The following SYNDIG1 variants were observed in gnomAD, a reference collection of about 807,000 sequenced individuals.
SYNDIG1 encodes synapse differentiation-inducing gene protein 1.
In SYNDIG1, 9 loss-of-function variants were observed where a neutral mutation model predicts 19.4. The observed-to-expected ratio is 0.46, with a 90% CI of 0.28 to 0.81. The LOEUF (loss-of-function observed/expected upper bound fraction) is 0.81, where lower values mean the gene tolerates loss of function less well. SYNDIG1 is among the 30% of genes least tolerant of loss of function. The pLI, the probability that SYNDIG1 is intolerant of heterozygous loss-of-function variation, is 0.12. For missense variants in SYNDIG1, 311 were observed against 343.3 expected, an observed-to-expected ratio of 0.91 and a Z score of 0.74; for synonymous variants, 141 against 145.9, an observed-to-expected ratio of 0.97 and a Z score of 0.24.
intron 3 of SYNDIG1, among the ~76,000 whole-genome samples, chr20:24,596,209 G>C (rs2058591921): frequency 6.6e-6 from 1 of 152,032 alleles, no homozygotes; most frequent in Admixed American, 6.6e-5. Flanking sequence ...TAATTTTATT[G>C]TTTACCCAAA....
intron 1 of SYNDIG1, among the ~76,000 whole-genome samples, chr20:24,508,964 G>A (rs185695946): frequency 6.0e-4 from 92 of 152,308 alleles, no homozygotes; most frequent in African/African-American, 1.8e-3. Context: ...ACACATTCAT[G>A]GCGATTTAAG....
chr20:24,656,495 C>T (rs1254329360), intron 3 of SYNDIG1, among the ~76,000 whole-genome samples: 3 of 152,176 alleles, frequency 2.0e-5, no homozygotes, highest in Non-Finnish European at 2.9e-5. Context: ...GGCCAGGAGG[C>T]GTTTGCAGAA....
rs140250921 is a variant in SYNDIG1 at position 24,544,098 on chromosome 20, A to G, written c.480+521A>G. Among the ~76,000 whole-genome samples, 127 of 152,318 alleles carry G rather than the reference A, an allele frequency of 8.3e-4. No homozygotes were observed. The East Asian group carries it at 0.018, about 22-fold the overall frequency. On this transcript the variant is annotated intron_variant, in intron 2 of 3. Transcript: ENST00000376862. ...TAGGTACTGATAGCCTGAAGGGAAG[A>G]TAAGTTGACTTCTTAGATGACTCGC... is the stretch of plus-strand genomic sequence containing the variant.
intron 2 of SYNDIG1, among the ~76,000 whole-genome samples, chr20:24,575,706 A>G (rs1568654617): frequency 6.6e-6 from 1 of 152,178 alleles, no homozygotes; most frequent in Non-Finnish European, 1.5e-5. Context: ...TCCCTCCTCA[A>G]AGAATATAAA....
chr20:24,515,643 A>G (rs2056845500), intron 1 of SYNDIG1, among the ~76,000 whole-genome samples: 1 of 152,024 alleles, frequency 6.6e-6, no homozygotes, highest in Admixed American at 6.6e-5. Flanking sequence ...GATGTGAAGG[A>G]CCTCTTCAAG....
At chr20:24,578,370 G>A (rs1169466637) in intron 2 of SYNDIG1, among the ~76,000 whole-genome samples, 1 of 151,780 alleles carries the variant, frequency 6.6e-6, no homozygotes, top group Non-Finnish European at 1.5e-5. Context: ...TTGAACCCGG[G>A]AGGCGGAGGT....
chr20:24,507,603 C>T (rs2056625259), intron 1 of SYNDIG1, among the ~76,000 whole-genome samples: 1 of 152,194 alleles, frequency 6.6e-6, no homozygotes, highest in Admixed American at 6.5e-5. Context: ...CCCTTGCCTG[C>T]ACCTGCTTAG....
At chr20:24,615,967 T>C (rs953810207) in intron 3 of SYNDIG1, among the ~76,000 whole-genome samples, 8 of 152,060 alleles carry the variant, frequency 5.3e-5, no homozygotes, top group Non-Finnish European at 1.0e-4. Context: ...TAGCACTTCC[T>C]CCAATTAGGA....
chr20:24,484,134 T>A (rs2055887388), intron 1 of SYNDIG1, among the ~76,000 whole-genome samples: 1 of 152,066 alleles, frequency 6.6e-6, no homozygotes, highest in Non-Finnish European at 1.5e-5. Flanking sequence ...AGTGCAGTCC[T>A]GGCTACCTAC....
At chr20:24,486,728 G>A (rs1161935811) in intron 1 of SYNDIG1, among the ~76,000 whole-genome samples, 2 of 151,312 alleles carry the variant, frequency 1.3e-5, no homozygotes, top group African/African-American at 2.4e-5. Flanking sequence ...GTGCCATCTC[G>A]GTTCCCCGAA....
intron 1 of SYNDIG1, among the ~76,000 whole-genome samples, chr20:24,495,116 C>T (rs139416193): frequency 3.4e-4 from 52 of 152,298 alleles, no homozygotes; most frequent in Admixed American, 1.7e-3. Flanking sequence ...GACAAGGATA[C>T]GATGCAGTAC....
At chr20:24,530,007 A>G (rs1568614798) in intron 1 of SYNDIG1, among the ~76,000 whole-genome samples, 248 of 2,602 alleles carry the variant, frequency 0.095, 1 homozygote, top group Admixed American at 0.11. Flanking sequence ...AGTGGTGGGG[A>G]TAATGATGGT....
intron 2 of SYNDIG1, among the ~76,000 whole-genome samples, chr20:24,571,891 C>T (rs1037470412): frequency 6.6e-6 from 1 of 152,160 alleles, no homozygotes; most frequent in Non-Finnish European, 1.5e-5. Context: ...ATCTGAGCTC[C>T]TTCTTCAAGA....
At chr20:24,582,590 A>C (rs556714947) in intron 2 of SYNDIG1, among the ~76,000 whole-genome samples, 1 of 151,242 alleles carries the variant, frequency 6.6e-6, no homozygotes, top group East Asian at 2.0e-4. Context: ...AGACTCCAGC[A>C]CCTGAGGCTG....
chr20:24,516,821 T>A (rs1158434334), intron 1 of SYNDIG1, among the ~76,000 whole-genome samples: 1 of 152,160 alleles, frequency 6.6e-6, no homozygotes, highest in Non-Finnish European at 1.5e-5. Flanking sequence ...TTACTGGGTA[T>A]GTACCCAAAG....
intron 1 of SYNDIG1, among the ~76,000 whole-genome samples, chr20:24,470,673 TAGAG>T (rs1331669300): frequency 6.6e-5 from 10 of 152,190 alleles, no homozygotes; most frequent in Non-Finnish European, 1.5e-5. Flanking sequence ...AAGACCCTAC[TAGAG>T]TGGCTCTGGC....
intron 3 of SYNDIG1, among the ~76,000 whole-genome samples, chr20:24,599,019 C>T (rs1457538600): frequency 6.6e-6 from 1 of 152,048 alleles, no homozygotes; most frequent in Non-Finnish European, 1.5e-5. Flanking sequence ...AGCTTCTGCA[C>T]AGCAAAAGAA....
chr20:24,526,615 T>A (rs1246227059), intron 1 of SYNDIG1, among the ~76,000 whole-genome samples: 1 of 152,182 alleles, frequency 6.6e-6, no homozygotes, highest in African/African-American at 2.4e-5. Context: ...ATATAATCAA[T>A]GTTTGTTTGG....
intron 1 of SYNDIG1, among the ~76,000 whole-genome samples, chr20:24,497,437 G>C (rs1241645216): frequency 1.3e-5 from 2 of 152,222 alleles, no homozygotes; most frequent in African/African-American, 4.8e-5. Context: ...CTGGCCTCAA[G>C]AGATCTGCCC....
Sources: gnomAD v4.1 joint callset for allele counts (sites outside exome capture counted in the v4.1 genomes callset) on GRCh38, gnomAD v4.1.1 for gene constraint, MANE v1.5 for transcripts, NCBI Gene and HGNC (gene_info 2026-07-23, HGNC 2026-07-21) for gene names.